The following ZNF365 variants were observed in gnomAD, a reference collection of about 807,000 sequenced individuals.
The protein encoded by ZNF365 is zinc finger protein 365.
In ZNF365, 22 loss-of-function variants were observed where a neutral mutation model predicts 35.0. That is an observed-to-expected ratio of 0.63 (90% CI 0.45 to 0.90). ZNF365 has a LOEUF of 0.90. Among genes scored for constraint, ZNF365 ranks in the 40% least tolerant of loss-of-function variants. The pLI is 0.00. For synonymous variants in ZNF365, 188 were observed against 196.2 expected, an observed-to-expected ratio of 0.96 and a Z score of 0.35; for missense variants, 448 against 500.3, an observed-to-expected ratio of 0.90 and a Z score of 1.00.
At position 62,448,513 on chromosome 10, in the gene ZNF365, G is replaced by A. The variant is rs1004606595; in HGVS notation, c.925-11228G>A. 3.9e-5 allele frequency among the ~76,000 whole-genome samples: 6 copies of A among 152,114 alleles called. No individual in the cohort carries two copies. The East Asian group carries it at 7.7e-4, about 20-fold the overall frequency. ...TTTTTTTATTCAGTTTGTTAAATGC[G>A]CCTGTAAATTCCCATATTTGCTGAA... On this transcript the variant is annotated intron_variant, in intron 3 of 4. Coordinates refer to the ZNF365 transcript ENST00000395255.
chr10:62,428,943 G>A (rs927188301), intron 3 of ZNF365, among the ~76,000 whole-genome samples: 6 of 152,120 alleles, frequency 3.9e-5, no homozygotes, highest in African/African-American at 1.4e-4. Context: ...TTACACTGTG[G>A]CCAATTTCAG....
intron 2 of ZNF365, among the ~76,000 whole-genome samples, chr10:62,384,018 C>T (rs1839482878): frequency 6.6e-6 from 1 of 151,096 alleles, no homozygotes; most frequent in Non-Finnish European, 1.5e-5. Flanking sequence ...TTATATTGTA[C>T]TGGTATTTTT....
chr10:62,407,991 G>A (rs1447732297), intron 3 of ZNF365, among the ~76,000 whole-genome samples: 1 of 152,038 alleles, frequency 6.6e-6, no homozygotes, highest in Non-Finnish European at 1.5e-5. Flanking sequence ...GTGATAATTT[G>A]TTACAGCAGC....
intron 1 of ZNF365, 110 bp from the exon 2 acceptor site, chr10:62,376,071 C>A: frequency 8.3e-7 from 1 of 1,202,816 alleles, no homozygotes. Context: ...ATATTATGTG[C>A]AAAAGTCACT....
In ZNF365 at chr10:62,376,531, A is replaced by T; in HGVS notation, c.338A>T (p.Lys113Met). Residue 113 changes from lysine (K) to methionine (M), a missense_variant, in exon 2 of 5, where the codon AAG becomes ATG. Physicochemically the swap from Lys to Met is moderately conservative, Grantham distance 95 (BLOSUM62 -1). Transcript: ENST00000395254. ...TCACATGAACATTCCAAGGACAGGA[A>T]GCCATTTGAGGTGGTGGCAGAGAGG... ...SISHEHSKDR[K>M]PFEVVAERPV... 1.2e-6 allele frequency: 2 copies of T among 1,614,118 alleles called. No individual in the cohort carries two copies. The highest frequency in any genetic ancestry group is 1.7e-6 in the Non-Finnish European group (2 of 1,180,048).
At chr10:62,432,215 C>T (rs1231482233) in intron 3 of ZNF365, among the ~76,000 whole-genome samples, 3 of 152,088 alleles carry the variant, frequency 2.0e-5, no homozygotes, top group Non-Finnish European at 2.9e-5. Flanking sequence ...AGCCTTTGTC[C>T]GGATTAGCAT....
chr10:62,478,241 C>G (rs915596340), intron 4 of ZNF365, among the ~76,000 whole-genome samples: 1 of 152,102 alleles, frequency 6.6e-6, no homozygotes, highest in African/African-American at 2.4e-5. Flanking sequence ...GGACAAAGAC[C>G]ATAATAAACA....
At chr10:62,446,998 C>T (rs1426123835) in intron 3 of ZNF365, among the ~76,000 whole-genome samples, 1 of 152,152 alleles carries the variant, frequency 6.6e-6, no homozygotes, top group Non-Finnish European at 1.5e-5. Context: ...TTTAGCAAAC[C>T]TGACCTCATG....
intron 3 of ZNF365, among the ~76,000 whole-genome samples, chr10:62,416,031 T>C (rs1478940623): frequency 2.0e-5 from 3 of 152,142 alleles, no homozygotes; most frequent in Non-Finnish European, 4.4e-5. Flanking sequence ...ATTATTCCCC[T>C]TCTACTCAGA....
At position 62,400,122 on chromosome 10, in the gene ZNF365, C is replaced by T. The variant is rs555389038; in HGVS notation, c.*333C>T. Reference sequence around the variant, plus strand: ...ATGCAGTGGTCACTAATTTTCAGGACCAAGGCCACACAAAATGTCAGGCCT... The same window carrying T: ...ATGCAGTGGTCACTAATTTTCAGGATCAAGGCCACACAAAATGTCAGGCCT... On this transcript the variant is annotated 3_prime_UTR_variant, in exon 5 of 5. Coordinates refer to ENST00000395254, the MANE Select transcript of ZNF365 (RefSeq NM_014951.3). 3 of 1,056,296 alleles carry T rather than the reference C, an allele frequency of 2.8e-6. No individual in the cohort carries two copies. The highest frequency in any genetic ancestry group is 4.6e-4 in the Middle Eastern group (1 of 2,182). 65.4% of individuals were successfully genotyped at this position (1,056,296 alleles called of 1,614,324 possible).
rs141696527 is a variant in ZNF365 at position 62,399,543 on chromosome 10, G to A, written c.978G>A (p.Pro326=). Residue 326 remains proline, a synonymous_variant, in exon 5 of 5, where the codon CCG becomes CCA. Transcript: ENST00000395254. ...CCCTCTGTAGAAGCCGAGGGCACCC[G>A]CATTCGGTATGTAACCACCCTGATC... ...RKPKCLSRGH[P]HSVCNHPDLK... is the part of the protein sequence containing the mutation. 56 of 1,613,726 alleles carry A rather than the reference G, an allele frequency of 3.5e-5. No individual in the cohort carries two copies. Among genetic ancestry groups the A allele is most frequent in the Admixed American group, 3.2e-4 (19 of 59,968 alleles).
intron 3 of ZNF365, among the ~76,000 whole-genome samples, chr10:62,449,900 G>C (rs771382706): frequency 1.5e-4 from 22 of 151,076 alleles, no homozygotes; most frequent in Non-Finnish European, 2.2e-4. Flanking sequence ...CATTGCCAAA[G>C]TGAATGAGGC....
At chr10:62,434,153 T>A (rs1840373009) in intron 3 of ZNF365, among the ~76,000 whole-genome samples, 1 of 152,214 alleles carries the variant, frequency 6.6e-6, no homozygotes, top group African/African-American at 2.4e-5. Flanking sequence ...TGAGAATTGA[T>A]ATTTTAACCA....
intron 3 of ZNF365, among the ~76,000 whole-genome samples, chr10:62,428,505 C>T (rs529650731): frequency 1.3e-5 from 2 of 151,602 alleles, no homozygotes; most frequent in South Asian, 4.2e-4. Context: ...GATGTGTTTG[C>T]TTCCCCTTCA....
At position 62,401,954 on chromosome 10, in the gene ZNF365, A is replaced by G. The variant is rs539059775; in HGVS notation, c.*2165A>G. The G allele has an allele frequency of 5.3e-5, 52 of 985,544 alleles. No individual in the cohort carries two copies. The Admixed American group carries it at 9.8e-4, about 19-fold the overall frequency. The allele number at this position is 985,544 out of a possible 1,614,324, so 61.0% of individuals were successfully genotyped here. ...CGTTCCCACTAAATTTTGACCCCAT[A>G]TAAAGAAATGTGTTATGTATGTTGT... is the stretch of plus-strand genomic sequence containing the variant. On this transcript the variant is annotated 3_prime_UTR_variant, in exon 5 of 5. Coordinates refer to ENST00000395254, the MANE Select transcript of ZNF365 (RefSeq NM_014951.3).
At chr10:62,465,142 T>A (rs530323267) in intron 4 of ZNF365, among the ~76,000 whole-genome samples, 2 of 152,360 alleles carry the variant, frequency 1.3e-5, no homozygotes, top group South Asian at 4.1e-4. Context: ...GGCCTTGTCC[T>A]GCTCCCGGAG....
At chr10:62,464,875 T>C (rs1166290185) in intron 4 of ZNF365, among the ~76,000 whole-genome samples, 3 of 152,236 alleles carry the variant, frequency 2.0e-5, no homozygotes, top group South Asian at 2.1e-4. Context: ...GAGTGGCCAC[T>C]ACAAGGATGC....
rs1320328736 is a variant in ZNF365 at position 62,399,569 on chromosome 10, T to A, written c.1004T>A (p.Leu335His). Reference sequence around the variant, plus strand: ...CATTCGGTATGTAACCACCCTGATCTCAAGGCCCATTTCCACCCAAAGGGA... The same window carrying A: ...CATTCGGTATGTAACCACCCTGATCACAAGGCCCATTTCCACCCAAAGGGA... Reference protein sequence around the residue: ...HPHSVCNHPDLKAHFHPKGRN... With the variant: ...HPHSVCNHPDHKAHFHPKGRN... The change falls in exon 5 of 5, where the codon CTC (leucine) becomes CAC (histidine). Residue 335 changes from leucine to histidine, a missense_variant. Physicochemically the swap from Leu to His is moderately conservative, Grantham distance 99. Transcript: ENST00000395254. The A allele has an allele frequency of 1.2e-6, 2 of 1,613,880 alleles. No individual in the cohort carries two copies. The highest frequency in any genetic ancestry group is 1.7e-6 in the Non-Finnish European group (2 of 1,180,006).
rs143103027 is a variant in ZNF365, at chr10:62,433,020, C to G, written c.925-26721C>G. Among the ~76,000 whole-genome samples the G allele has an allele frequency of 6.1e-3, 934 of 152,266 alleles. 6 individuals carry two copies. Among genetic ancestry groups the G allele is most frequent in the Non-Finnish European group, 1.0e-2 (677 of 68,012 alleles). On this transcript the variant is annotated intron_variant, in intron 3 of 4. Transcript: ENST00000395255. ...TTGTCCACAGCAAAACCACTCCACACTTTGGGTTTTCCCTAAAAACTCAGA... is the reference window on the plus strand; with the variant it reads ...TTGTCCACAGCAAAACCACTCCACAGTTTGGGTTTTCCCTAAAAACTCAGA...
Sources: allele counts gnomAD v4.1 joint callset (sites outside exome capture counted in the v4.1 genomes callset), GRCh38; gene constraint gnomAD v4.1.1; transcripts MANE v1.5; gene names NCBI Gene and HGNC (gene_info 2026-07-23, HGNC 2026-07-21).